The following CCDC85A variants were observed in gnomAD, a reference collection of about 807,000 sequenced individuals.
CCDC85A encodes the protein coiled-coil domain-containing protein 85A.
In CCDC85A, 38 loss-of-function variants were observed where a neutral mutation model predicts 50.2. That is an observed-to-expected ratio of 0.76 (90% CI 0.58 to 0.99). The LOEUF (loss-of-function observed/expected upper bound fraction) is 0.99, where lower values mean the gene tolerates loss of function less well. Ranked by LOEUF, CCDC85A falls within the 50% of genes least tolerant of loss-of-function variation. The pLI, the probability that CCDC85A is intolerant of heterozygous loss-of-function variation, is 0.00. For synonymous variants in CCDC85A, 366 were observed against 301.4 expected, an observed-to-expected ratio of 1.21 and a Z score of -2.22; for missense variants, 820 against 742.0, an observed-to-expected ratio of 1.11 and a Z score of -1.22.
intron 2 of CCDC85A, among the ~76,000 whole-genome samples, chr2:56,222,513 AT>A (rs1668369300): frequency 6.6e-6 from 1 of 151,856 alleles, no homozygotes; most frequent in South Asian, 2.1e-4. Context: ...CTGGGCTGGA[AT>A]TTTTCACTTT....
chr2:56,273,381 T>G (rs1159577389), intron 2 of CCDC85A, among the ~76,000 whole-genome samples: 1 of 152,004 alleles, frequency 6.6e-6, no homozygotes, highest in Non-Finnish European at 1.5e-5. Flanking sequence ...GGAAAACCAT[T>G]GCAGTATTCC....
chr2:56,331,542 C>A (rs570793961), intron 2 of CCDC85A, among the ~76,000 whole-genome samples: 18 of 152,214 alleles, frequency 1.2e-4, no homozygotes, highest in African/African-American at 4.3e-4. Context: ...TACAAAAAAA[C>A]CCAAAAAACT....
intron 2 of CCDC85A, among the ~76,000 whole-genome samples, chr2:56,213,043 C>G (rs1301393961): frequency 6.6e-6 from 1 of 151,942 alleles, no homozygotes; most frequent in Non-Finnish European, 1.5e-5. Flanking sequence ...GAAATCTCAG[C>G]AACTTAGAAG....
intron 2 of CCDC85A, among the ~76,000 whole-genome samples, chr2:56,332,256 T>G (rs1175829592): frequency 6.6e-6 from 1 of 152,186 alleles, no homozygotes; most frequent in Non-Finnish European, 1.5e-5. Flanking sequence ...TGTGTCTCCC[T>G]CTCTTCTTGC....
chr2:56,376,834 C>T (rs1049172688), intron 5 of CCDC85A, among the ~76,000 whole-genome samples: 4 of 152,142 alleles, frequency 2.6e-5, no homozygotes, highest in African/African-American at 7.2e-5. Context: ...AGAGTGCTTC[C>T]GATCTGCTTT....
intron 3 of CCDC85A, among the ~76,000 whole-genome samples, chr2:56,347,124 A>T (rs1335704327): frequency 1.3e-5 from 2 of 152,208 alleles, no homozygotes; most frequent in Non-Finnish European, 2.9e-5. Flanking sequence ...TCTTCTATAC[A>T]TACTTACAAA....
At chr2:56,234,766 C>G (rs1195215294) in intron 2 of CCDC85A, among the ~76,000 whole-genome samples, 1 of 152,088 alleles carries the variant, frequency 6.6e-6, no homozygotes, top group East Asian at 1.9e-4. Flanking sequence ...ATGTATTCAT[C>G]TTCCTTTACC....
At chr2:56,350,686 T>C (rs886364910) in intron 3 of CCDC85A, among the ~76,000 whole-genome samples, 1 of 151,828 alleles carries the variant, frequency 6.6e-6, no homozygotes, top group African/African-American at 2.4e-5. Context: ...TTACTACATC[T>C]CTGACTAATG....
intron 3 of CCDC85A, among the ~76,000 whole-genome samples, chr2:56,371,213 C>T (rs1377622193): frequency 2.0e-5 from 3 of 152,058 alleles, no homozygotes; most frequent in African/African-American, 7.2e-5. Flanking sequence ...TTATAGGTCA[C>T]TGGTGCCAAT....
chr2:56,304,912 CAAAA>C (rs1364517188), intron 2 of CCDC85A, among the ~76,000 whole-genome samples: 6 of 140,776 alleles, frequency 4.3e-5, no homozygotes, highest in Non-Finnish European at 7.6e-5. Flanking sequence ...AAACAAAAAA[CAAAA>C]AACAAACAAA....
intron 2 of CCDC85A, among the ~76,000 whole-genome samples, chr2:56,249,010 T>C (rs1669632638): frequency 6.6e-6 from 1 of 152,222 alleles, no homozygotes; most frequent in Non-Finnish European, 1.5e-5. Flanking sequence ...ACTGTGACCT[T>C]CAGTCAAGGA....
At chr2:56,325,386 A>C (rs1299732422) in intron 2 of CCDC85A, among the ~76,000 whole-genome samples, 1 of 152,138 alleles carries the variant, frequency 6.6e-6, no homozygotes, top group Non-Finnish European at 1.5e-5. Context: ...CAGAGCCCAT[A>C]AGATTTTGTG....
At chr2:56,349,007 G>A (rs758327058) in intron 3 of CCDC85A, among the ~76,000 whole-genome samples, 2 of 152,074 alleles carry the variant, frequency 1.3e-5, no homozygotes, top group Admixed American at 1.3e-4. Flanking sequence ...GGCTTTCCAG[G>A]ATCCTTAAAG....
At chr2:56,195,560 T>A (rs544243284) in intron 2 of CCDC85A, among the ~76,000 whole-genome samples, 31 of 152,334 alleles carry the variant, frequency 2.0e-4, no homozygotes, top group South Asian at 1.7e-3. Flanking sequence ...CAATGAGATG[T>A]TTATGGATCA....
At chr2:56,203,695 A>G (rs984048039) in intron 2 of CCDC85A, among the ~76,000 whole-genome samples, 2 of 152,292 alleles carry the variant, frequency 1.3e-5, no homozygotes, top group African/African-American at 4.8e-5. Flanking sequence ...TTTCACCCAT[A>G]TGTTAAGGTA....
At chr2:56,343,862 T>C (rs568189205) in intron 3 of CCDC85A, among the ~76,000 whole-genome samples, 1 of 152,342 alleles carries the variant, frequency 6.6e-6, no homozygotes, top group African/African-American at 2.4e-5. Context: ...CAGGTTGGTA[T>C]TTCAGGAGAA....
intron 2 of CCDC85A, among the ~76,000 whole-genome samples, chr2:56,328,750 G>A (rs907770786): frequency 3.3e-5 from 5 of 152,044 alleles, no homozygotes; most frequent in African/African-American, 1.2e-4. Context: ...TACACTATAT[G>A]TATGTTTTGT....
intron 2 of CCDC85A, among the ~76,000 whole-genome samples, chr2:56,334,887 G>C (rs1462237006): frequency 6.6e-6 from 1 of 152,160 alleles, no homozygotes; most frequent in African/African-American, 2.4e-5. Flanking sequence ...GGGAGGAGGG[G>C]AAGAGGAACT....
At chr2:56,218,521 C>T (rs1179086886) in intron 2 of CCDC85A, among the ~76,000 whole-genome samples, 1 of 151,846 alleles carries the variant, frequency 6.6e-6, no homozygotes, top group Non-Finnish European at 1.5e-5. Flanking sequence ...TAAAATGATA[C>T]TCAACATGCT....
Sources: allele counts gnomAD v4.1 joint callset (sites outside exome capture counted in the v4.1 genomes callset), GRCh38; gene constraint gnomAD v4.1.1; transcripts MANE v1.5; gene names NCBI Gene and HGNC (gene_info 2026-07-23, HGNC 2026-07-21).